The following IMMP2L variants were observed in gnomAD, a reference collection of about 807,000 sequenced individuals.
IMMP2L encodes the protein inner mitochondrial membrane peptidase subunit 2, also known as mitochondrial inner membrane protease subunit 2.
IMMP2L carries 18 observed loss-of-function variants against 19.3 expected under a neutral mutation model. The observed-to-expected ratio is 0.93, with a 90% CI of 0.64 to 1.38. The LOEUF (loss-of-function observed/expected upper bound fraction) is 1.38, where lower values mean the gene tolerates loss of function less well. Ranked by LOEUF, IMMP2L falls within the 40% of genes most tolerant of loss-of-function variation. IMMP2L has a pLI of 0.00. For missense variants in IMMP2L, 233 were observed against 218.2 expected (o/e 1.07, Z -0.43); for synonymous variants, 76 against 73.0 (o/e 1.04, Z -0.21).
intron 3 of IMMP2L, among the ~76,000 whole-genome samples, chr7:111,140,987 G>A (rs1403671093): frequency 6.6e-6 from 1 of 152,166 alleles, no homozygotes; most frequent in Non-Finnish European, 1.5e-5. Context: ...CTTGGGTGAT[G>A]AAGTGGTTTA....
At chr7:110,871,794 T>C (rs1808562164) in intron 5 of IMMP2L, among the ~76,000 whole-genome samples, 2 of 152,132 alleles carry the variant, frequency 1.3e-5, no homozygotes, top group Admixed American at 1.3e-4. Context: ...TGAAAAACAA[T>C]ATAGTTTTTT....
At chr7:111,561,256 G>T (rs1792008083) in intron 1 of IMMP2L, among the ~76,000 whole-genome samples, 1 of 152,154 alleles carries the variant, frequency 6.6e-6, no homozygotes, top group South Asian at 2.1e-4. Context: ...TGCTTGCCAG[G>T]AGGTACCAAG....
At chr7:111,156,935 A>G (rs2129604766) in intron 3 of IMMP2L, among the ~76,000 whole-genome samples, 1 of 152,138 alleles carries the variant, frequency 6.6e-6, no homozygotes, top group Non-Finnish European at 1.5e-5. Flanking sequence ...TGATGAGAAG[A>G]CGTGATTTTC....
chr7:111,013,732 C>T (rs549428155), intron 3 of IMMP2L, among the ~76,000 whole-genome samples: 1 of 152,132 alleles, frequency 6.6e-6, no homozygotes, highest in Admixed American at 6.6e-5. Context: ...GTAACTTAGG[C>T]AATATTATAG....
chr7:110,911,790 A>G (rs750490533), intron 4 of IMMP2L, among the ~76,000 whole-genome samples: 7 of 152,154 alleles, frequency 4.6e-5, no homozygotes, highest in Admixed American at 6.6e-5. Flanking sequence ...TATTACTGCT[A>G]TCTACTTTAA....
intron 3 of IMMP2L, among the ~76,000 whole-genome samples, chr7:111,383,189 T>G (rs1036970946): frequency 5.3e-5 from 8 of 152,112 alleles, no homozygotes; most frequent in African/African-American, 1.9e-4. Flanking sequence ...GTTTCTCTCC[T>G]GTCTATATAA....
intron 3 of IMMP2L, among the ~76,000 whole-genome samples, chr7:111,337,678 T>C (rs939037075): frequency 2.0e-5 from 3 of 152,062 alleles, no homozygotes; most frequent in South Asian, 2.1e-4. Flanking sequence ...GGCAGATGTA[T>C]GGACAGTTGA....
intron 3 of IMMP2L, among the ~76,000 whole-genome samples, chr7:111,335,643 T>C (rs1826323980): frequency 6.6e-6 from 1 of 152,028 alleles, no homozygotes; most frequent in Non-Finnish European, 1.5e-5. Flanking sequence ...AGAAAATTAC[T>C]AAAAAGACTA....
At chr7:110,738,867 C>T (rs1796813106) in intron 5 of IMMP2L, among the ~76,000 whole-genome samples, 1 of 152,232 alleles carries the variant, frequency 6.6e-6, no homozygotes, top group Non-Finnish European at 1.5e-5. Flanking sequence ...GCAGATTTCT[C>T]AGCAGAAACT....
At chr7:111,142,345 AAAGAAAGAAAG>A (rs869068088) in intron 3 of IMMP2L, among the ~76,000 whole-genome samples, 16 of 27,034 alleles carry the variant, frequency 5.9e-4, no homozygotes, top group Admixed American at 1.3e-3. Context: ...AAAAAAAAAG[AAAGAAAGAAAG>A]AAAGAAAGAA....
chr7:111,432,142 G>A (rs927567163), intron 3 of IMMP2L, among the ~76,000 whole-genome samples: 1 of 151,660 alleles, frequency 6.6e-6, no homozygotes, highest in African/African-American at 2.4e-5. Context: ...CCCTAAACCT[G>A]TGGGATCTGA....
chr7:111,186,791 T>C (rs912904798), intron 3 of IMMP2L, among the ~76,000 whole-genome samples: 3 of 152,064 alleles, frequency 2.0e-5, no homozygotes, highest in Non-Finnish European at 4.4e-5. Context: ...AATCTAAGAA[T>C]GAGTCTTACG....
chr7:110,897,234 C>T (rs1369602767), intron 4 of IMMP2L, among the ~76,000 whole-genome samples: 1 of 152,044 alleles, frequency 6.6e-6, no homozygotes, highest in African/African-American at 2.4e-5. Context: ...ATACAGAAGT[C>T]AACAGATTAA....
At chr7:110,699,678 G>A (rs562709715) in intron 5 of IMMP2L, among the ~76,000 whole-genome samples, 1 of 150,908 alleles carries the variant, frequency 6.6e-6, no homozygotes, top group South Asian at 2.1e-4. Flanking sequence ...TGAGGCAGGA[G>A]AATCACTTGA....
intron 2 of IMMP2L, among the ~76,000 whole-genome samples, chr7:111,488,718 T>C (rs183637353): frequency 6.6e-6 from 1 of 152,274 alleles, no homozygotes; most frequent in African/African-American, 2.4e-5. Context: ...AGATACCTAG[T>C]ATTGCTAGGG....
intron 3 of IMMP2L, among the ~76,000 whole-genome samples, chr7:111,130,429 T>A (rs1178871325): frequency 6.6e-6 from 1 of 152,120 alleles, no homozygotes; most frequent in African/African-American, 2.4e-5. Context: ...CTTTTCTAAC[T>A]CTACTACATC....
At position 110,756,447 on chromosome 7, in the gene IMMP2L, C is replaced by T. The variant is rs180695337; in HGVS notation, c.409-92726G>A. On this transcript the variant is annotated intron_variant, in intron 5 of 5. Transcript: ENST00000405709. ...GGAATGTAGCATATATATTTTGAAG[C>T]CCAGATGGAAGATATAGGATGGAAA... Among the ~76,000 whole-genome samples, 183 of 152,070 alleles carry T rather than the reference C, an allele frequency of 1.2e-3. 1 individual carries two copies. The highest frequency in any genetic ancestry group is 4.2e-3 in the African/African-American group (175 of 41,502).
intron 3 of IMMP2L, among the ~76,000 whole-genome samples, chr7:111,444,537 T>C (rs1838100435): frequency 6.6e-6 from 1 of 152,206 alleles, no homozygotes; most frequent in Admixed American, 6.5e-5. Context: ...TCTAGCATTG[T>C]TAAGTGCCTG....
intron 3 of IMMP2L, among the ~76,000 whole-genome samples, chr7:111,239,640 G>C (rs933362659): frequency 5.3e-5 from 8 of 151,872 alleles, no homozygotes; most frequent in African/African-American, 1.9e-4. Context: ...CTTTATCTCT[G>C]ATGATCCTTT....
Sources: gnomAD v4.1 joint callset for allele counts (sites outside exome capture counted in the v4.1 genomes callset) on GRCh38, gnomAD v4.1.1 for gene constraint, MANE v1.5 for transcripts, NCBI Gene and HGNC (gene_info 2026-07-23, HGNC 2026-07-21) for gene names.